Variants in ZDHHC3 observed in about 807,000 individuals in gnomAD.
The protein encoded by ZDHHC3 is zDHHC palmitoyltransferase 3.
Under a neutral mutation model 30.6 loss-of-function variants are expected in ZDHHC3, and 9 were observed. That is an observed-to-expected ratio of 0.29 (90% CI 0.18 to 0.51). The LOEUF (loss-of-function observed/expected upper bound fraction) is 0.51, where lower values mean the gene tolerates loss of function less well. Among genes scored for constraint, ZDHHC3 ranks in the 20% least tolerant of loss-of-function variants. The pLI is 0.97. For synonymous variants in ZDHHC3, 136 were observed against 140.2 expected (o/e 0.97, Z 0.21); for missense variants, 246 against 384.2 (o/e 0.64, Z 3.01).
chr3:44,974,459 G>A (rs1705703218), intron 1 of ZDHHC3, among the ~76,000 whole-genome samples: 1 of 152,146 alleles, frequency 6.6e-6, no homozygotes, highest in South Asian at 2.1e-4. Context: ...TCTCCTTTCT[G>A]AGCAATCTCT....
rs1402288586 is a variant in ZDHHC3 at position 44,976,129 on chromosome 3, G to GGCAGTGGCGGCGGCCGCGGCT, written c.-242_-222dup. 7 of 555,156 alleles carry GGCAGTGGCGGCGGCCGCGGCT rather than the reference G, an allele frequency of 1.3e-5. No homozygotes were observed. The highest frequency in any genetic ancestry group is 2.0e-5 in the Non-Finnish European group (7 of 350,088). The allele number at this position is 555,156 out of a possible 1,614,324, so 34.4% of individuals were successfully genotyped here. ...CAGGAGAAGCCCATCGAGCTCTCCCGGCAGTGGCGGCGGCCGCGGCTGCAG... is the reference window on the plus strand; with the variant it reads ...CAGGAGAAGCCCATCGAGCTCTCCCGGCAGTGGCGGCGGCCGCGGCTGCAGTGGCGGCGGCCGCGGCTGCAG... On this transcript the variant is annotated 5_prime_UTR_variant, in exon 1 of 7. Coordinates refer to ENST00000424952, the MANE Select transcript of ZDHHC3 (RefSeq NM_001135179.2).
At chr3:44,930,752 G>A (rs2125819009) in intron 5 of ZDHHC3, among the ~76,000 whole-genome samples, 1 of 152,352 alleles carries the variant, frequency 6.6e-6, no homozygotes, top group South Asian at 2.1e-4. Context: ...CGATGCCTCA[G>A]AATGATTTCT....
intron 6 of ZDHHC3, 28 bp from the exon 7 acceptor site, chr3:44,926,875 G>C: frequency 6.3e-7 from 1 of 1,584,228 alleles, no homozygotes; most frequent in Non-Finnish European, 8.6e-7. Flanking sequence ...CATACTTTCA[G>C]TCAAGCACTG....
chr3:44,953,816 G>A (rs529307216), intron 2 of ZDHHC3, among the ~76,000 whole-genome samples: 4 of 152,210 alleles, frequency 2.6e-5, no homozygotes, highest in Admixed American at 6.5e-5. Context: ...AATGCAGCAC[G>A]ATACTCCAAT....
intron 3 of ZDHHC3, among the ~76,000 whole-genome samples, chr3:44,939,310 T>C (rs1702239904): frequency 6.6e-6 from 1 of 152,272 alleles, no homozygotes; most frequent in Non-Finnish European, 1.5e-5. Flanking sequence ...TAAGTATACA[T>C]GCAGAATATA....
intron 2 of ZDHHC3, among the ~76,000 whole-genome samples, chr3:44,952,106 G>C (rs537769642): frequency 6.6e-6 from 1 of 152,150 alleles, no homozygotes; most frequent in Admixed American, 6.5e-5. Flanking sequence ...CAAAGGCACT[G>C]TGCACAGCTA....
At position 44,959,176 on chromosome 3, in the gene ZDHHC3, G is replaced by C; in HGVS notation, c.261C>G (p.Ala87=). Reference sequence around the variant, plus strand: ...GGCAGTGGGAGGCCAGGGCCAAGAAGGCCAGCAGGTTGAACACAATTCCGT... The same window carrying C: ...GGCAGTGGGAGGCCAGGGCCAAGAACGCCAGCAGGTTGAACACAATTCCGT... ...IINGIVFNLL[A]FLALASHCRA... Residue 87 remains alanine, a synonymous_variant, in exon 2 of 7, where the codon GCC becomes GCG. Coordinates refer to ENST00000424952, the MANE Select transcript of ZDHHC3 (RefSeq NM_001135179.2). This position sits in a 1 kb window ranked among gnomAD's most constrained non-coding sequence, Gnocchi z 4.3. 1 of 1,614,242 alleles carries C rather than the reference G, an allele frequency of 6.2e-7. No homozygotes were observed.
In ZDHHC3 at chr3:44,924,805, A is replaced by C. The variant is rs1700854172; in HGVS notation, c.*1884T>G. ...ATTTTAAAAAAGCATATGGAAAACA[A>C]ATGCTATCAACTTGATCTAAAACAG... On this transcript the variant is annotated 3_prime_UTR_variant, in exon 7 of 7. Coordinates refer to ENST00000424952, the MANE Select transcript of ZDHHC3 (RefSeq NM_001135179.2). The C allele has an allele frequency of 1.0e-6, 1 of 985,396 alleles. No homozygotes were observed. Among genetic ancestry groups the C allele is most frequent in the South Asian group, 4.7e-5 (1 of 21,296 alleles). 61.0% of individuals were successfully genotyped at this position (985,396 alleles called of 1,614,324 possible).
At chr3:44,938,496 G>A (rs768107211) in intron 3 of ZDHHC3, 3 of 194,172 alleles carry the variant, frequency 1.5e-5, no homozygotes, top group South Asian at 9.9e-5. Context: ...CACAAAGGAC[G>A]ATATTTCAAT....
In ZDHHC3 at chr3:44,917,399, C is replaced by A. The variant is rs1700250553; in HGVS notation, c.*9290G>T. The stretch of plus-strand genomic sequence containing the variant: ...CTCTGCAGTCTTTCCAGGCTAGTCT[C>A]CCCTGATGTCAGTGTCCCAACCCAG... On this transcript the variant is annotated 3_prime_UTR_variant, in exon 7 of 7. Coordinates refer to ENST00000424952, the MANE Select transcript of ZDHHC3 (RefSeq NM_001135179.2). 1 of 170,078 alleles carries A rather than the reference C, an allele frequency of 5.9e-6. No homozygotes were observed. Among genetic ancestry groups the A allele is most frequent in the Admixed American group, 5.4e-5 (1 of 18,502 alleles). The allele number at this position is 170,078 out of a possible 1,614,324, so 10.5% of individuals were successfully genotyped here.
intron 3 of ZDHHC3, chr3:44,938,000 TG>T: frequency 4.9e-6 from 2 of 411,646 alleles, no homozygotes; most frequent in Non-Finnish European, 9.7e-6. Context: ...CTTTTTTTTT[TG>T]GAGACAGAGT....
At position 44,933,217 on chromosome 3, in the gene ZDHHC3, T is replaced by G; in HGVS notation, c.529-18A>C. 2 of 1,611,230 alleles carry G rather than the reference T, an allele frequency of 1.2e-6. No homozygotes were observed. Among genetic ancestry groups the G allele is most frequent in the African/African-American group, 1.3e-5 (1 of 74,982 alleles). On this transcript the variant is annotated intron_variant, in intron 4 of 6. Coordinates refer to ENST00000424952, the MANE Select transcript of ZDHHC3 (RefSeq NM_001135179.2). ...ATGTACATCTGAAACAGGAAACCAG[T>G]GCAGACACCATTGTTGTGAGAATCC...
chr3:44,924,757 A>G lies in ZDHHC3; in HGVS notation c.*1932T>C. On this transcript the variant is annotated 3_prime_UTR_variant, in exon 7 of 7. Transcript: ENST00000424952. ...CAATAACACTTCTTTCATACACCTA[A>G]CTGAGCTGTATGTTATGAAAAAATT... 2 of 985,452 alleles carry G rather than the reference A, an allele frequency of 2.0e-6. No homozygotes were observed. Among genetic ancestry groups the G allele is most frequent in the Non-Finnish European group, 2.4e-6 (2 of 829,922 alleles). 61.0% of individuals were successfully genotyped at this position (985,452 alleles called of 1,614,324 possible).
rs1275006757 is a variant in ZDHHC3 at position 44,922,595 on chromosome 3, C to G, written c.*4094G>C. Reference sequence around the variant, plus strand: ...CACCCCAACTGCACTATGCTGAGCCCAGCAGCACACAAGACCCATATCACC... The same window carrying G: ...CACCCCAACTGCACTATGCTGAGCCGAGCAGCACACAAGACCCATATCACC... On this transcript the variant is annotated 3_prime_UTR_variant, in exon 7 of 7. Transcript: ENST00000424952. 8 of 985,244 alleles carry G rather than the reference C, an allele frequency of 8.1e-6. No homozygotes were observed. In the African/African-American group the frequency reaches 1.4e-4, roughly 17 times the overall value. The allele number at this position is 985,244 out of a possible 1,614,324, so 61.0% of individuals were successfully genotyped here. A position where few individuals can be genotyped will look rare whatever the true frequency, so the allele number is the denominator to read the frequency against.
chr3:44,970,180 G>A (rs571828067), intron 1 of ZDHHC3, among the ~76,000 whole-genome samples: 3 of 152,202 alleles, frequency 2.0e-5, no homozygotes, highest in Admixed American at 6.5e-5. Context: ...GGAATCTGCT[G>A]GTATCACTTA....
At chr3:44,946,195 C>A (rs371160356) in intron 2 of ZDHHC3, among the ~76,000 whole-genome samples, 28 of 152,344 alleles carry the variant, frequency 1.8e-4, no homozygotes, top group African/African-American at 6.7e-4. Flanking sequence ...CCATAAGCAA[C>A]TGGGAGCTGC....
At chr3:44,933,477 G>T in intron 4 of ZDHHC3, 1 of 567,748 alleles carries the variant, frequency 1.8e-6, no homozygotes, top group East Asian at 2.9e-5. Flanking sequence ...TGAGCTGCCT[G>T]GGCGGGGGGT....
At chr3:44,970,962 A>C (rs949894157) in intron 1 of ZDHHC3, among the ~76,000 whole-genome samples, 2 of 152,214 alleles carry the variant, frequency 1.3e-5, no homozygotes, top group Admixed American at 6.5e-5. Flanking sequence ...GACTTGTTCA[A>C]AGTCATAAAG....
At chr3:44,970,228 C>T (rs994706594) in intron 1 of ZDHHC3, among the ~76,000 whole-genome samples, 3 of 152,180 alleles carry the variant, frequency 2.0e-5, no homozygotes, top group African/African-American at 7.2e-5. Context: ...GAGCAGAGCC[C>T]TGGGAGGAAC....
Sources: gnomAD v4.1 joint callset for allele counts (sites outside exome capture counted in the v4.1 genomes callset) on GRCh38, gnomAD v4.1.1 for gene constraint, Gnocchi (gnomAD v3.1) non-coding constraint, MANE v1.5 for transcripts, NCBI Gene and HGNC (gene_info 2026-07-23, HGNC 2026-07-21) for gene names.